The following FAM120B variants were observed in gnomAD, a reference collection of about 807,000 sequenced individuals.
FAM120B encodes the protein constitutive coactivator of peroxisome proliferator-activated receptor gamma.
In FAM120B, 83 loss-of-function variants were observed where a neutral mutation model predicts 96.3. The ratio of observed to expected loss-of-function variants is 0.86; its 90% CI spans 0.72 to 1.03. The LOEUF is 1.03. Ranked by LOEUF, FAM120B falls within the 50% of genes least tolerant of loss-of-function variation. FAM120B has a pLI of 0.00. For synonymous variants in FAM120B, 407 were observed against 402.7 expected, an observed-to-expected ratio of 1.01 and a Z score of -0.13; for missense variants, 1,027 against 1,121.2, an observed-to-expected ratio of 0.92 and a Z score of 1.20.
At chr6:170,324,316 C>T (rs1488995879) in intron 3 of FAM120B, among the ~76,000 whole-genome samples, 16 of 152,296 alleles carry the variant, frequency 1.1e-4, no homozygotes, top group Non-Finnish European at 1.9e-4. Flanking sequence ...TTCTCCCATA[C>T]ATACTGCAAG....
In FAM120B at chr6:170,318,333, T is replaced by C; in HGVS notation, c.943T>C (p.Phe315Leu). 1 of 1,614,194 alleles carries C rather than the reference T, an allele frequency of 6.2e-7. No homozygotes were observed. The highest frequency in any genetic ancestry group is 2.2e-5 in the East Asian group (1 of 44,890). Residue 315 changes from phenylalanine (F) to leucine (L), a missense_variant, in exon 2 of 11, where the codon TTC becomes CTC. By Grantham distance (22) the Phe-to-Leu change is conservative. This residue lies in a region of FAM120B where 880 missense variants were observed against 980.9 expected (regional missense o/e 0.90). Coordinates refer to ENST00000476287, the MANE Select transcript of FAM120B (RefSeq NM_032448.3). The part of the protein sequence containing the change: ...LLPGQKSPWF[F>L]QKPKGVITLD... The stretch of plus-strand genomic sequence containing the variant: ...ACCAGGACAAAAATCTCCATGGTTT[T>C]TCCAAAAACCCAAAGGTGTAATAAC...
At chr6:170,357,782 T>G (rs1267011261) in intron 5 of FAM120B, among the ~76,000 whole-genome samples, 1 of 152,224 alleles carries the variant, frequency 6.6e-6, no homozygotes, top group African/African-American at 2.4e-5. Flanking sequence ...CTAACCTGAC[T>G]AGAAATTCAG....
At chr6:170,329,243 TCTC>T (rs1391855638) in intron 3 of FAM120B, among the ~76,000 whole-genome samples, 1 of 152,228 alleles carries the variant, frequency 6.6e-6, no homozygotes, top group African/African-American at 2.4e-5. Flanking sequence ...CCAGTCTCTG[TCTC>T]CTCATCTGAG....
intron 1 of FAM120B, among the ~76,000 whole-genome samples, chr6:170,299,976 T>C (rs567540317): frequency 6.6e-6 from 1 of 152,370 alleles, no homozygotes; most frequent in East Asian, 1.9e-4. Flanking sequence ...ATACCTTTTA[T>C]CAGCAATAAA....
At chr6:170,325,444 T>C (rs545947649) in intron 3 of FAM120B, among the ~76,000 whole-genome samples, 5 of 152,182 alleles carry the variant, frequency 3.3e-5, no homozygotes, top group African/African-American at 1.2e-4. Context: ...TTTCCCCACC[T>C]TATTTTCTCA....
At chr6:170,320,027 ATCT>A (rs1158830652) in intron 2 of FAM120B, among the ~76,000 whole-genome samples, 2 of 152,212 alleles carry the variant, frequency 1.3e-5, no homozygotes, top group Non-Finnish European at 2.9e-5. Flanking sequence ...TTCTCATTAG[ATCT>A]TCTCAACAGC....
At position 170,313,851 on chromosome 6, in the gene FAM120B, G is replaced by A. The variant is rs1177622304; in HGVS notation, c.-21-3519G>A. 3.3e-5 allele frequency among the ~76,000 whole-genome samples: 5 copies of A among 152,326 alleles called. 1 individual carries two copies. The Middle Eastern group carries it at 0.014, about 414-fold the overall frequency. The stretch of plus-strand genomic sequence containing the variant: ...CTGGGGGTCTGTTAAGGTGGTTACA[G>A]CAGCCAAGTATTGGTTGTCCCGCAG... On this transcript the variant is annotated intron_variant, in intron 1 of 10. Transcript: ENST00000476287.
rs1320497132 is a variant in FAM120B, at chr6:170,370,075, T to C, written c.2283+11757T>C. Among the ~76,000 whole-genome samples, 1 of 152,234 alleles carries C rather than the reference T, an allele frequency of 6.6e-6. No individual in the cohort carries two copies. The highest frequency in any genetic ancestry group is 2.4e-5 in the African/African-American group (1 of 41,454). On this transcript the variant is annotated intron_variant, in intron 6 of 10. Coordinates refer to ENST00000476287, the MANE Select transcript of FAM120B (RefSeq NM_032448.3). This position sits in a 1 kb window ranked among gnomAD's most constrained non-coding sequence, Gnocchi z 4.3. ...TGAATATAGCAATCTAATTTCTCTTTTAAACCCATTCTGTGAGTCGGCAGA... is the reference window on the plus strand; with the variant it reads ...TGAATATAGCAATCTAATTTCTCTTCTAAACCCATTCTGTGAGTCGGCAGA...
chr6:170,318,396 G>A lies in FAM120B; in HGVS notation c.1006G>A (p.Glu336Lys), dbSNP rs1316867114. The change falls in exon 2 of 11, where the codon GAA becomes AAA. Residue 336 changes from glutamate (E) to lysine (K), a missense_variant. This residue lies in a region of FAM120B where 880 missense variants were observed against 980.9 expected (regional missense o/e 0.90). Coordinates refer to ENST00000476287, the MANE Select transcript of FAM120B (RefSeq NM_032448.3). ...KQVISTSSDA[E>K]SREEVPMCSD... is the part of the protein sequence containing the mutation. Reference sequence around the variant, plus strand: ...AGTAATATCCACGAGTTCAGACGCCGAATCCAGGGAAGAAGTTCCCATGTG... The same window carrying A: ...AGTAATATCCACGAGTTCAGACGCCAAATCCAGGGAAGAAGTTCCCATGTG... 1.9e-5 allele frequency: 30 copies of A among 1,614,088 alleles called. No homozygotes were observed. The highest frequency in any genetic ancestry group is 4.5e-5 in the East Asian group (2 of 44,884).
intron 4 of FAM120B, among the ~76,000 whole-genome samples, chr6:170,340,247 A>G (rs1786729753): frequency 1.3e-5 from 2 of 152,120 alleles, no homozygotes; most frequent in South Asian, 4.1e-4. Flanking sequence ...GTTGATCTTC[A>G]ATCTGTGATA....
intron 3 of FAM120B, among the ~76,000 whole-genome samples, chr6:170,327,746 A>G (rs1338256105): frequency 6.8e-6 from 1 of 147,678 alleles, no homozygotes; most frequent in Non-Finnish European, 1.5e-5. Context: ...CGGTGAGTCC[A>G]TGAGTGAATG....
intron 6 of FAM120B, among the ~76,000 whole-genome samples, chr6:170,368,819 C>CGGGGG (rs146799172): frequency 3.8e-5 from 1 of 26,184 alleles, no homozygotes. Context: ...TCTGCCGGGG[C>CGGGGG]TGGGGGGGGG....
intron 7 of FAM120B, 100 bp from the exon 8 acceptor site, chr6:170,390,913 A>G (rs1385246735): frequency 1.6e-5 from 14 of 901,266 alleles, no homozygotes; most frequent in Non-Finnish European, 2.5e-5. Flanking sequence ...CCTTGGGAAC[A>G]GTGTGGAAGG....
chr6:170,348,572 G>A (rs1467636001), intron 5 of FAM120B, among the ~76,000 whole-genome samples: 3 of 152,206 alleles, frequency 2.0e-5, no homozygotes, highest in Admixed American at 6.5e-5. Flanking sequence ...TGCAGGTGGT[G>A]GAAGCTGCTC....
chr6:170,319,291 A>G (rs1328761243), intron 2 of FAM120B, among the ~76,000 whole-genome samples, 167 bp downstream of exon 2: 1 of 152,246 alleles, frequency 6.6e-6, no homozygotes, highest in East Asian at 1.9e-4. Flanking sequence ...GAAACTCACA[A>G]CCAATGTTGG....
intron 9 of FAM120B, among the ~76,000 whole-genome samples, chr6:170,402,625 G>T (rs941044335): frequency 5.3e-5 from 8 of 152,294 alleles, no homozygotes; most frequent in East Asian, 3.9e-4. Context: ...CGGGCTCTGC[G>T]GAGCCCACAG....
intron 1 of FAM120B, among the ~76,000 whole-genome samples, chr6:170,308,580 A>G (rs9348308): frequency 0.11 from 17,297 of 152,252 alleles, 1,311 homozygotes; most frequent in East Asian, 0.31. Flanking sequence ...TCAGGTTTCT[A>G]GGTCTGTCAC....
intron 6 of FAM120B, among the ~76,000 whole-genome samples, chr6:170,361,236 ACACGTATATATATATATACGTG>A (rs1562567248): frequency 2.5e-5 from 2 of 81,020 alleles, no homozygotes; most frequent in African/African-American, 8.0e-5. Context: ...ATATATATAT[ACACGTATATATATATATACGTG>A]TATATATATA....
intron 4 of FAM120B, among the ~76,000 whole-genome samples, chr6:170,335,409 AG>A (rs1446357049): frequency 6.6e-6 from 1 of 152,178 alleles, no homozygotes; most frequent in Non-Finnish European, 1.5e-5. Context: ...ATGGCTGCAT[AG>A]TATTCCATGG....
Sources: allele counts gnomAD v4.1 joint callset (sites outside exome capture counted in the v4.1 genomes callset), GRCh38; gene constraint gnomAD v4.1.1; regional missense constraint gnomAD v4.1.1; non-coding constraint Gnocchi (gnomAD v3.1); transcripts MANE v1.5; gene names NCBI Gene and HGNC (gene_info 2026-07-23, HGNC 2026-07-21).